The following KCNN2 variants were observed in gnomAD, a reference collection of about 807,000 sequenced individuals.
KCNN2 encodes small conductance calcium-activated potassium channel protein 2.
Under a neutral mutation model 55.5 loss-of-function variants are expected in KCNN2, and 24 were observed. The observed-to-expected ratio is 0.43, with a 90% CI of 0.31 to 0.61. The LOEUF is 0.61. Among genes scored for constraint, KCNN2 ranks in the 20% least tolerant of loss-of-function variants. The probability of loss-of-function intolerance (pLI) is 0.08; values close to 1 mark genes in which losing one functional copy is unlikely to be tolerated. For synonymous variants in KCNN2, 431 were observed against 336.1 expected (o/e 1.28, Z -3.09); for missense variants, 754 against 853.6 (o/e 0.88, Z 1.45).
At chr5:114,108,155 CCTT>C (rs1751526442) in intron 1 of KCNN2, among the ~76,000 whole-genome samples, 1 of 151,780 alleles carries the variant, frequency 6.6e-6, no homozygotes, top group Non-Finnish European at 1.5e-5. Flanking sequence ...TTTTGGTAGA[CCTT>C]CTTATTTCAT....
At chr5:114,201,282 T>A (rs4131321) in intron 1 of KCNN2, among the ~76,000 whole-genome samples, 116,255 of 151,762 alleles carry the variant, frequency 0.77, 44,673 homozygotes, top group East Asian at 0.92. Context: ...ACTAATAATA[T>A]GTGGGTTATT....
chr5:114,130,833 A>G (rs956106502), intron 1 of KCNN2, among the ~76,000 whole-genome samples: 1 of 152,184 alleles, frequency 6.6e-6, no homozygotes, highest in Non-Finnish European at 1.5e-5. Context: ...CTGTATGTCT[A>G]TTGATGCACA....
chr5:114,388,082 T>C (rs1042430803), intron 2 of KCNN2, among the ~76,000 whole-genome samples: 4 of 152,244 alleles, frequency 2.6e-5, no homozygotes, highest in African/African-American at 9.6e-5. Flanking sequence ...ATTTCATAGA[T>C]GCTATGCTGT....
intron 2 of KCNN2, among the ~76,000 whole-genome samples, chr5:114,300,580 A>G (rs1315904397): frequency 1.3e-5 from 2 of 152,216 alleles, no homozygotes; most frequent in African/African-American, 4.8e-5. Context: ...TAATTCTTAA[A>G]GAATAAGTAG....
chr5:114,156,063 T>C (rs1349067573), intron 1 of KCNN2, among the ~76,000 whole-genome samples: 4 of 152,194 alleles, frequency 2.6e-5, no homozygotes, highest in African/African-American at 9.6e-5. Flanking sequence ...TTGTATATGA[T>C]GTAAGGAAGG....
At chr5:114,100,737 T>G (rs1379012222) in intron 1 of KCNN2, among the ~76,000 whole-genome samples, 1 of 152,062 alleles carries the variant, frequency 6.6e-6, no homozygotes, top group African/African-American at 2.4e-5. Flanking sequence ...GGATTCCGGG[T>G]CAGAGGAGAA....
At chr5:114,074,290 T>TTGTG (rs1232838166) in intron 1 of KCNN2, among the ~76,000 whole-genome samples, 2 of 105,178 alleles carry the variant, frequency 1.9e-5, no homozygotes, top group Non-Finnish European at 3.7e-5. Context: ...AAGGCCATGT[T>TTGTG]TGCGTGTGTG....
intron 1 of KCNN2, among the ~76,000 whole-genome samples, chr5:114,138,544 C>A (rs1486165001): frequency 6.6e-6 from 1 of 152,200 alleles, no homozygotes; most frequent in Admixed American, 6.5e-5. Flanking sequence ...CACTGTAGAA[C>A]CCAAATCTCT....
At chr5:114,341,653 T>C (rs1446578286) in intron 2 of KCNN2, among the ~76,000 whole-genome samples, 1 of 152,076 alleles carries the variant, frequency 6.6e-6, no homozygotes, top group African/African-American at 2.4e-5. Context: ...AAAGAAAATA[T>C]TTCTGATTAT....
chr5:114,211,894 A>G (rs918838134), intron 1 of KCNN2, among the ~76,000 whole-genome samples: 23 of 151,732 alleles, frequency 1.5e-4, no homozygotes, highest in African/African-American at 3.1e-4. Context: ...GGTTTCATGA[A>G]TTACCTATAT....
At chr5:114,447,942 C>CT (rs1193744060) in intron 3 of KCNN2, among the ~76,000 whole-genome samples, 1 of 151,918 alleles carries the variant, frequency 6.6e-6, no homozygotes, top group Non-Finnish European at 1.5e-5. Flanking sequence ...TTCTTTTCAC[C>CT]TTTTTTTCTG....
intron 2 of KCNN2, among the ~76,000 whole-genome samples, chr5:114,393,828 A>G (rs1307566038): frequency 3.3e-5 from 5 of 151,876 alleles, no homozygotes; most frequent in Admixed American, 2.6e-4. Flanking sequence ...TTTTAATAGC[A>G]TATAACACGT....
chr5:114,365,425 A>T (rs903661069), intron 2 of KCNN2, among the ~76,000 whole-genome samples: 1 of 152,258 alleles, frequency 6.6e-6, no homozygotes, highest in Non-Finnish European at 1.5e-5. Flanking sequence ...CTAAAATATA[A>T]CTTAAACATT....
chr5:114,239,943 A>G (rs984921671), intron 2 of KCNN2, among the ~76,000 whole-genome samples: 17 of 152,216 alleles, frequency 1.1e-4, no homozygotes, highest in Admixed American at 8.5e-4. Context: ...TTGTAACTGC[A>G]TTCTAAGCAT....
chr5:114,308,572 C>G (rs1756336131), intron 2 of KCNN2, among the ~76,000 whole-genome samples: 1 of 152,100 alleles, frequency 6.6e-6, no homozygotes, highest in African/African-American at 2.4e-5. Flanking sequence ...ATCAGAGAAC[C>G]ACTAGAACAG....
intron 2 of KCNN2, among the ~76,000 whole-genome samples, chr5:114,346,769 CAA>C (rs138308313): frequency 1.2e-4 from 17 of 136,062 alleles, no homozygotes; most frequent in Admixed American, 1.5e-4. Context: ...ATTCATTCTC[CAA>C]AAAAAAAAAA....
At chr5:114,255,944 A>G (rs1754974433) in intron 2 of KCNN2, among the ~76,000 whole-genome samples, 1 of 151,968 alleles carries the variant, frequency 6.6e-6, no homozygotes, top group East Asian at 1.9e-4. Flanking sequence ...TTTTAGGGGA[A>G]CTATCCCCTA....
intron 3 of KCNN2, among the ~76,000 whole-genome samples, chr5:114,431,497 A>G (rs1040352789): frequency 3.9e-5 from 6 of 151,906 alleles, no homozygotes; most frequent in Non-Finnish European, 7.4e-5. Context: ...TTGTCATGAA[A>G]TTTATCAATT....
chr5:114,440,052 C>T (rs946498393), intron 3 of KCNN2, among the ~76,000 whole-genome samples: 34 of 152,120 alleles, frequency 2.2e-4, no homozygotes, highest in African/African-American at 7.7e-4. Flanking sequence ...AAGACATAAG[C>T]CTCCCTCCAC....
Sources: allele counts gnomAD v4.1 joint callset (sites outside exome capture counted in the v4.1 genomes callset), GRCh38; gene constraint gnomAD v4.1.1; transcripts MANE v1.5; gene names NCBI Gene and HGNC (gene_info 2026-07-23, HGNC 2026-07-21).